Variants in KSR2 observed in about 807,000 individuals in gnomAD.
The protein encoded by KSR2 is kinase suppressor of ras 2.
In KSR2, 25 loss-of-function variants were observed where a neutral mutation model predicts 107.8. That is an observed-to-expected ratio of 0.23 (90% CI 0.17 to 0.32). KSR2 has a LOEUF of 0.32. KSR2 is among the 10% of genes least tolerant of loss of function. The pLI, the probability that KSR2 is intolerant of heterozygous loss-of-function variation, is 1.00. For missense variants in KSR2, 887 were observed against 1,268.9 expected (o/e 0.70, Z 4.57); for synonymous variants, 480 against 507.0 (o/e 0.95, Z 0.71).
intron 1 of KSR2, among the ~76,000 whole-genome samples, chr12:117,873,704 G>A (rs900342278): frequency 3.9e-5 from 6 of 152,112 alleles, no homozygotes; most frequent in African/African-American, 7.2e-5. Flanking sequence ...CAAGTGATCC[G>A]CCTGCCTTGG....
chr12:117,967,772 C>G (rs1195059623), intron 1 of KSR2, among the ~76,000 whole-genome samples: 1 of 151,984 alleles, frequency 6.6e-6, no homozygotes, highest in Non-Finnish European at 1.5e-5. Context: ...AGCGAGGAAG[C>G]GAATGACAAC....
intron 4 of KSR2, among the ~76,000 whole-genome samples, chr12:117,672,466 A>G (rs944410306): frequency 6.6e-6 from 1 of 152,144 alleles, no homozygotes; most frequent in Non-Finnish European, 1.5e-5. Flanking sequence ...TGAGATAACA[A>G]GCTTGGCAGG....
chr12:117,958,746 G>A (rs568825469), intron 1 of KSR2, among the ~76,000 whole-genome samples: 4 of 152,270 alleles, frequency 2.6e-5, no homozygotes, highest in Non-Finnish European at 4.4e-5. Context: ...GCTTGAACCT[G>A]GGAGACAGAG....
intron 4 of KSR2, among the ~76,000 whole-genome samples, chr12:117,699,249 T>C (rs925799337): frequency 6.6e-6 from 1 of 152,226 alleles, no homozygotes; most frequent in Non-Finnish European, 1.5e-5. Flanking sequence ...AATGAATCAA[T>C]GGTATGGCAT....
chr12:117,672,898 G>C (rs1281532659), intron 4 of KSR2, among the ~76,000 whole-genome samples: 1 of 152,190 alleles, frequency 6.6e-6, no homozygotes, highest in Non-Finnish European at 1.5e-5. Context: ...CAAAGTGCTG[G>C]GATTACAGGC....
chr12:117,486,154 G>T (rs1872450859), intron 14 of KSR2, among the ~76,000 whole-genome samples: 1 of 152,186 alleles, frequency 6.6e-6, no homozygotes, highest in South Asian at 2.1e-4. Context: ...AGTATCATCA[G>T]CAAACGATGC....
intron 4 of KSR2, among the ~76,000 whole-genome samples, chr12:117,694,130 A>G (rs1885949555): frequency 6.7e-6 from 1 of 148,172 alleles, no homozygotes; most frequent in Non-Finnish European, 1.5e-5. Flanking sequence ...GCTGTGGCAA[A>G]CACCACGGCA....
At chr12:117,543,614 A>G (rs1210675999) in intron 9 of KSR2, among the ~76,000 whole-genome samples, 1 of 152,178 alleles carries the variant, frequency 6.6e-6, no homozygotes, top group East Asian at 1.9e-4. Context: ...ATTGTGTTAA[A>G]CCTATATATG....
In KSR2 at chr12:117,731,796, C is replaced by T. The variant is rs189597484; in HGVS notation, c.986+29215G>A. ...CACTCAGGGTTAAATGGATTAAGGG[C>T]GGTGCAAGATGTGCTTTGTTAAACA... On this transcript the variant is annotated intron_variant, in intron 4 of 19. Transcript: ENST00000339824. 8.1e-4 allele frequency among the ~76,000 whole-genome samples: 123 copies of T among 151,174 alleles called. 1 individual carries two copies. The East Asian group carries it at 0.011, about 14-fold the overall frequency.
chr12:117,710,773 AT>A (rs1216754913), intron 4 of KSR2, among the ~76,000 whole-genome samples: 5 of 152,134 alleles, frequency 3.3e-5, no homozygotes, highest in Admixed American at 2.6e-4. Flanking sequence ...TGATGGTGAT[AT>A]TTTTTTAATG....
At chr12:117,909,644 T>C (rs1429430959) in intron 1 of KSR2, among the ~76,000 whole-genome samples, 1 of 152,138 alleles carries the variant, frequency 6.6e-6, no homozygotes, top group Non-Finnish European at 1.5e-5. Flanking sequence ...GGCTCACACC[T>C]GTAATCCTAG....
chr12:117,650,970 C>T (rs1883880837), intron 5 of KSR2, among the ~76,000 whole-genome samples: 1 of 152,138 alleles, frequency 6.6e-6, no homozygotes, highest in Non-Finnish European at 1.5e-5. Context: ...ATGAAAGGTG[C>T]ATGCACAGCC....
chr12:117,831,142 C>T (rs1266381118), intron 3 of KSR2, among the ~76,000 whole-genome samples: 1 of 152,150 alleles, frequency 6.6e-6, no homozygotes, highest in Admixed American at 6.5e-5. Context: ...CATGTCTGTT[C>T]GGGCAGAACT....
At chr12:117,686,638 T>C (rs765843923) in intron 4 of KSR2, among the ~76,000 whole-genome samples, 10 of 152,098 alleles carry the variant, frequency 6.6e-5, no homozygotes, top group Admixed American at 2.0e-4. Context: ...GAGTCAGTGT[T>C]CTAAGCAAAT....
chr12:117,731,412 GA>G (rs1445703122), intron 4 of KSR2, among the ~76,000 whole-genome samples: 1 of 135,808 alleles, frequency 7.4e-6, no homozygotes, highest in African/African-American at 3.0e-5. Context: ...GTCCGGGAGG[GA>G]GGTGGGGGGC....
At chr12:117,720,306 C>T (rs1409023749) in intron 4 of KSR2, among the ~76,000 whole-genome samples, 1 of 152,154 alleles carries the variant, frequency 6.6e-6, no homozygotes, top group African/African-American at 2.4e-5. Context: ...AGAAGGTTTG[C>T]TACCCTCTTT....
At chr12:117,715,010 A>T (rs1294290425) in intron 4 of KSR2, among the ~76,000 whole-genome samples, 4 of 152,118 alleles carry the variant, frequency 2.6e-5, no homozygotes, top group Admixed American at 2.0e-4. Flanking sequence ...TATTTTTTTC[A>T]GAGCCCCAGA....
intron 4 of KSR2, among the ~76,000 whole-genome samples, chr12:117,741,489 C>T (rs1888220394): frequency 6.6e-6 from 1 of 152,174 alleles, no homozygotes; most frequent in Admixed American, 6.5e-5. Context: ...TGCACCACTG[C>T]ACTCCAGCCT....
chr12:117,905,904 T>C (rs1363140405), intron 1 of KSR2, among the ~76,000 whole-genome samples: 1 of 151,296 alleles, frequency 6.6e-6, no homozygotes, highest in Non-Finnish European at 1.5e-5. Flanking sequence ...AGGACGATAG[T>C]ACATAATAAT....
Sources: allele counts gnomAD v4.1 joint callset (sites outside exome capture counted in the v4.1 genomes callset), GRCh38; gene constraint gnomAD v4.1.1; transcripts MANE v1.5; gene names NCBI Gene and HGNC (gene_info 2026-07-23, HGNC 2026-07-21).